Variants in MAMDC2 observed in about 807,000 individuals in gnomAD.
MAMDC2 encodes the protein MAM domain-containing protein 2.
In MAMDC2, 57 loss-of-function variants were observed where a neutral mutation model predicts 89.8. The ratio of observed to expected loss-of-function variants is 0.63; its 90% CI spans 0.51 to 0.79. The LOEUF (loss-of-function observed/expected upper bound fraction) is 0.79. MAMDC2 is among the 30% of genes least tolerant of loss of function. MAMDC2 has a pLI of 0.00. For synonymous variants in MAMDC2, 313 were observed against 293.4 expected (o/e 1.07, Z -0.68); for missense variants, 800 against 820.6 (o/e 0.97, Z 0.31).
intron 5 of MAMDC2, among the ~76,000 whole-genome samples, chr9:70,122,526 C>T (rs1338350083): frequency 6.6e-6 from 1 of 152,128 alleles, no homozygotes; most frequent in Non-Finnish European, 1.5e-5. Flanking sequence ...GGAGAGATGG[C>T]TATGAAGGCT....
chr9:70,178,281 G>A (rs186749010), intron 11 of MAMDC2, among the ~76,000 whole-genome samples: 139 of 152,320 alleles, frequency 9.1e-4, no homozygotes, highest in African/African-American at 3.3e-3. Context: ...TATCTAGTGA[G>A]AGCCATCTTG....
intron 11 of MAMDC2, among the ~76,000 whole-genome samples, chr9:70,187,157 A>G (rs2032774604): frequency 6.6e-6 from 1 of 152,016 alleles, no homozygotes; most frequent in African/African-American, 2.4e-5. Flanking sequence ...CTTGATCTTT[A>G]TCTTGTCAAA....
At chr9:70,217,243 C>G in intron 11 of MAMDC2, 1 of 882,938 alleles carries the variant, frequency 1.1e-6, no homozygotes, top group South Asian at 1.3e-5. Flanking sequence ...CTACCCGGGA[C>G]AGGGGAGGCA....
intron 11 of MAMDC2, among the ~76,000 whole-genome samples, chr9:70,197,311 G>A (rs2032991015): frequency 6.6e-6 from 1 of 152,148 alleles, no homozygotes; most frequent in African/African-American, 2.4e-5. Context: ...AGTTGTGAAT[G>A]ATTTTAAAGG....
At chr9:70,053,566 G>A (rs997772444) in intron 2 of MAMDC2, among the ~76,000 whole-genome samples, 1 of 152,218 alleles carries the variant, frequency 6.6e-6, no homozygotes, top group Non-Finnish European at 1.5e-5. Flanking sequence ...AAAAGGAATT[G>A]TGTGCTAGTC....
chr9:70,141,733 C>T (rs778996309), intron 8 of MAMDC2, among the ~76,000 whole-genome samples: 12 of 152,174 alleles, frequency 7.9e-5, no homozygotes, highest in East Asian at 1.9e-4. Context: ...GATAAAATTG[C>T]GGAGAAGTAG....
chr9:70,110,830 A>G (rs1828490923), intron 4 of MAMDC2, among the ~76,000 whole-genome samples: 1 of 152,216 alleles, frequency 6.6e-6, no homozygotes, highest in Non-Finnish European at 1.5e-5. Flanking sequence ...AATGAGGGTA[A>G]TACTGAATTA....
intron 2 of MAMDC2, among the ~76,000 whole-genome samples, chr9:70,073,593 A>G (rs1257410306): frequency 6.6e-6 from 1 of 152,244 alleles, no homozygotes; most frequent in Non-Finnish European, 1.5e-5. Flanking sequence ...AAAAACTACC[A>G]TTCTGCAGTG....
intron 2 of MAMDC2, among the ~76,000 whole-genome samples, chr9:70,101,967 T>C (rs961890200): frequency 1.1e-4 from 16 of 152,232 alleles, no homozygotes; most frequent in African/African-American, 3.9e-4. Context: ...TTTATACGTA[T>C]TATGCCATTT....
chr9:70,158,038 C>A (rs978513623), intron 9 of MAMDC2, among the ~76,000 whole-genome samples: 6 of 152,134 alleles, frequency 3.9e-5, no homozygotes, highest in African/African-American at 1.4e-4. Flanking sequence ...CTCACTGTAA[C>A]CTTGACCTCT....
At chr9:70,085,862 T>C (rs1457541353) in intron 2 of MAMDC2, 3 of 152,134 alleles carry the variant, frequency 2.0e-5, no homozygotes, top group African/African-American at 7.2e-5. Flanking sequence ...ACCTATGTTA[T>C]ATATACTTTT....
chr9:70,043,619 C>G (rs1335024537), upstream of MAMDC2: 1 of 154,628 alleles, frequency 6.5e-6, no homozygotes, highest in Non-Finnish European at 1.4e-5. Flanking sequence ...ATTCCACCCT[C>G]TTTCATTCTG....
chr9:70,132,759 A>C (rs752929752), intron 7 of MAMDC2, among the ~76,000 whole-genome samples: 18 of 152,170 alleles, frequency 1.2e-4, no homozygotes, highest in Non-Finnish European at 1.8e-4. Context: ...CTTGAGCTCA[A>C]GGGATCCTCC....
At chr9:70,174,498 T>C (rs1563987018) in intron 11 of MAMDC2, among the ~76,000 whole-genome samples, 3 of 151,094 alleles carry the variant, frequency 2.0e-5, no homozygotes, top group Admixed American at 1.3e-4. Context: ...TTGAAAAGAG[T>C]TGAGGTAGCT....
intron 11 of MAMDC2, among the ~76,000 whole-genome samples, chr9:70,198,993 T>G (rs2033036802): frequency 6.6e-6 from 1 of 152,126 alleles, no homozygotes; most frequent in African/African-American, 2.4e-5. Flanking sequence ...TCTGAGGAAT[T>G]AGCTCCAGAT....
chr9:70,054,130 TG>T (rs1826974576), intron 2 of MAMDC2, among the ~76,000 whole-genome samples: 1 of 152,020 alleles, frequency 6.6e-6, no homozygotes, highest in South Asian at 2.1e-4. Flanking sequence ...CACATCCAAG[TG>T]GAGACTTCGA....
intron 11 of MAMDC2, among the ~76,000 whole-genome samples, chr9:70,216,719 C>A (rs1382841191): frequency 3.9e-5 from 6 of 152,174 alleles, no homozygotes; most frequent in Non-Finnish European, 2.9e-5. Context: ...AAGGTTAATA[C>A]CTACTAGTGA....
intron 8 of MAMDC2, among the ~76,000 whole-genome samples, chr9:70,141,307 C>T (rs566842887): frequency 6.6e-6 from 1 of 152,218 alleles, no homozygotes; most frequent in Non-Finnish European, 1.5e-5. Context: ...AAACGGGGAA[C>T]TGTTTAGGGA....
chr9:70,085,804 T>A (rs1423065009), intron 2 of MAMDC2: 1 of 152,106 alleles, frequency 6.6e-6, no homozygotes, highest in African/African-American at 2.4e-5. Context: ...ACATGAGAAA[T>A]TACACCTCAA....
Sources: allele counts gnomAD v4.1 joint callset (sites outside exome capture counted in the v4.1 genomes callset), GRCh38; gene constraint gnomAD v4.1.1; transcripts MANE v1.5; gene names NCBI Gene and HGNC (gene_info 2026-07-23, HGNC 2026-07-21).